The following CTNNA2 variants were observed in gnomAD, a reference collection of about 807,000 sequenced individuals.
The protein encoded by CTNNA2 is catenin alpha-2.
CTNNA2 carries 42 observed loss-of-function variants against 101.0 expected under a neutral mutation model. That is an observed-to-expected ratio of 0.42 (90% confidence interval 0.32 to 0.54). The LOEUF (loss-of-function observed/expected upper bound fraction) is 0.54, where lower values mean the gene tolerates loss of function less well. CTNNA2 is among the 20% of genes least tolerant of loss of function. The pLI is 0.14. For synonymous variants in CTNNA2, 450 were observed against 456.4 expected (o/e 0.99, Z 0.18); for missense variants, 871 against 1,223.1 (o/e 0.71, Z 4.29).
intron 7 of CTNNA2, among the ~76,000 whole-genome samples, chr2:79,998,742 T>C (rs904756992): frequency 1.3e-5 from 2 of 152,182 alleles, no homozygotes; most frequent in Non-Finnish European, 2.9e-5. Flanking sequence ...CCTTTAAAAG[T>C]ATATATTAAA....
chr2:79,808,780 C>G (rs1676775229), intron 3 of CTNNA2, among the ~76,000 whole-genome samples: 1 of 141,296 alleles, frequency 7.1e-6, no homozygotes, highest in Non-Finnish European at 1.5e-5. Context: ...TGGATTTCAT[C>G]TTTGTCATCA....
intron 7 of CTNNA2, among the ~76,000 whole-genome samples, chr2:80,374,648 C>A (rs1351764198): frequency 1.3e-5 from 2 of 151,398 alleles, no homozygotes; most frequent in African/African-American, 4.9e-5. Context: ...TCTCCTTCGG[C>A]CCTCACACTG....
At chr2:80,500,100 GA>G (rs1418464492) in intron 9 of CTNNA2, among the ~76,000 whole-genome samples, 1 of 152,110 alleles carries the variant, frequency 6.6e-6, no homozygotes, top group Non-Finnish European at 1.5e-5. Context: ...TTCCAAAATA[GA>G]AGCGTGTGCT....
intron 2 of CTNNA2, among the ~76,000 whole-genome samples, chr2:79,726,481 T>C (rs984488678): frequency 6.6e-6 from 1 of 152,142 alleles, no homozygotes; most frequent in Non-Finnish European, 1.5e-5. Context: ...GCACGAACCC[T>C]ATTGTGATTT....
At position 79,338,245 on chromosome 2, in the gene CTNNA2, C is replaced by CA. The variant is rs59474388; in HGVS notation, c.-318+25461dup. ...TGGGTGACAGAACCAGACTCCATCT[C>CA]AAAAAAAAAAAATTGGTAGTCAGGC... On this transcript the variant is annotated intron_variant, in intron 3 of 21. Transcript: ENST00000466387. Among the ~76,000 whole-genome samples, 42 of 109,204 alleles carry CA rather than the reference C, an allele frequency of 3.8e-4. 1 individual carries two copies. Among genetic ancestry groups the CA allele is most frequent in the South Asian group, 3.6e-4 (1 of 2,784 alleles). The allele number at this position is 109,204 out of a possible 152,430, so 71.6% of individuals were successfully genotyped here.
chr2:79,966,477 C>T (rs1227550943), intron 7 of CTNNA2, among the ~76,000 whole-genome samples: 2 of 152,164 alleles, frequency 1.3e-5, no homozygotes, highest in African/African-American at 2.4e-5. Flanking sequence ...CTCCATTGAT[C>T]CTCCCGCCTT....
chr2:79,430,251 C>T (rs1678645612), intron 4 of CTNNA2, among the ~76,000 whole-genome samples: 1 of 152,084 alleles, frequency 6.6e-6, no homozygotes, highest in Non-Finnish European at 1.5e-5. Flanking sequence ...GTTCTTGCTT[C>T]AAAGGCCCGA....
chr2:79,574,152 T>A (rs1357296597), intron 1 of CTNNA2: 1 of 152,366 alleles, frequency 6.6e-6, no homozygotes, highest in Non-Finnish European at 1.5e-5. Context: ...AATCCAATGT[T>A]TCCTTTCTGA....
rs116481327 is a variant in CTNNA2 at position 79,640,962 on chromosome 2, G to A, written c.-5-10590G>A. On this transcript the variant is annotated intron_variant, in intron 1 of 18. Transcript: ENST00000402739. ...GTCTTGATTCAGGGATTATGAAGGT[G>A]CAGGTTAAGGATGTCAGTATTTGGA... is the stretch of plus-strand genomic sequence containing the variant. 3.0e-3 allele frequency among the ~76,000 whole-genome samples: 456 copies of A among 152,302 alleles called. 5 individuals are homozygous for A. The highest frequency in any genetic ancestry group is 5.1e-3 in the Non-Finnish European group (346 of 68,020).
intron 2 of CTNNA2, among the ~76,000 whole-genome samples, chr2:79,729,911 G>A (rs1354030919): frequency 6.6e-6 from 1 of 152,082 alleles, no homozygotes. Flanking sequence ...ATCAGAAAAT[G>A]TCAGTGTATG....
Position 80,018,450 on chromosome 2 carries a change from G to A in CTNNA2, c.1056+108653G>A, listed in dbSNP as rs143514917. Among the ~76,000 whole-genome samples, 24 of 152,222 alleles carry A rather than the reference G, an allele frequency of 1.6e-4. No homozygotes were observed. In the East Asian group the frequency reaches 4.6e-3, roughly 29 times the overall value. ...TGACTTGAAACTGGCCATGGCGGGAGTATTTACACAAAGGAAGTCAGTAAA... is the reference window on the plus strand; with the variant it reads ...TGACTTGAAACTGGCCATGGCGGGAATATTTACACAAAGGAAGTCAGTAAA... On this transcript the variant is annotated intron_variant, in intron 7 of 18. Transcript: ENST00000402739.
Position 79,906,803 on chromosome 2 carries a change from G to A in CTNNA2, c.853-2791G>A, listed in dbSNP as rs1045461939. 7.9e-5 allele frequency among the ~76,000 whole-genome samples: 12 copies of A among 152,134 alleles called. No homozygotes were observed. In the East Asian group the frequency reaches 9.6e-4, roughly 12 times the overall value. On this transcript the variant is annotated intron_variant, in intron 6 of 18. Coordinates refer to ENST00000402739, the MANE Select transcript of CTNNA2 (RefSeq NM_001282597.3). ...CCATGCTCGAATAGATTTGGGAAAC[G>A]CTACAGTGAACTGACTCCTTTAGTG...
intron 7 of CTNNA2, among the ~76,000 whole-genome samples, chr2:80,296,074 C>T (rs1043840409): frequency 2.0e-5 from 3 of 151,776 alleles, no homozygotes; most frequent in Non-Finnish European, 4.4e-5. Context: ...ACGATTATTG[C>T]GGGTACATAG....
chr2:80,041,361 T>G (rs1696041934), intron 7 of CTNNA2, among the ~76,000 whole-genome samples: 1 of 152,138 alleles, frequency 6.6e-6, no homozygotes, highest in Non-Finnish European at 1.5e-5. Flanking sequence ...TTTGCTATTC[T>G]TAACGTGTTT....
chr2:79,479,294 C>T (rs1671083647), intron 4 of CTNNA2, among the ~76,000 whole-genome samples: 1 of 152,160 alleles, frequency 6.6e-6, no homozygotes, highest in Non-Finnish European at 1.5e-5. Flanking sequence ...ATTTATAGGA[C>T]ACCAGCACCT....
chr2:79,443,065 A>G (rs76563811), intron 4 of CTNNA2, among the ~76,000 whole-genome samples: 3,248 of 152,282 alleles, frequency 0.021, 57 homozygotes, highest in African/African-American at 0.04. Context: ...TATATGTTCT[A>G]TTGGCTCATC....
At chr2:80,372,848 C>T (rs1256997681) in intron 7 of CTNNA2, among the ~76,000 whole-genome samples, 1 of 152,140 alleles carries the variant, frequency 6.6e-6, no homozygotes, top group Non-Finnish European at 1.5e-5. Flanking sequence ...CCCCAGGATA[C>T]TTAGCAATGT....
chr2:79,919,172 T>A lies in CTNNA2; in HGVS notation c.1056+9375T>A, dbSNP rs960785570. On this transcript the variant is annotated intron_variant, in intron 7 of 18. Transcript: ENST00000402739. ...GTAGCTGAGAGTGTCTGGCCTTTGCTGTTCAGAGCGGTGCTGTTGGTAAAC... is the reference window on the plus strand; with the variant it reads ...GTAGCTGAGAGTGTCTGGCCTTTGCAGTTCAGAGCGGTGCTGTTGGTAAAC... Among the ~76,000 whole-genome samples, 51 of 152,174 alleles carry A rather than the reference T, an allele frequency of 3.4e-4. 1 individual carries two copies. Among genetic ancestry groups the A allele is most frequent in the Non-Finnish European group, 1.6e-4 (11 of 68,022 alleles).
intron 1 of CTNNA2, among the ~76,000 whole-genome samples, chr2:79,639,074 C>T (rs17017386): frequency 0.04 from 6,092 of 152,192 alleles, 391 homozygotes; most frequent in African/African-American, 0.14. Context: ...ATTCAAAATT[C>T]GGAGCTGCCA....
Sources: gnomAD v4.1 joint callset for allele counts (sites outside exome capture counted in the v4.1 genomes callset) on GRCh38, gnomAD v4.1.1 for gene constraint, MANE v1.5 for transcripts, NCBI Gene and HGNC (gene_info 2026-07-23, HGNC 2026-07-21) for gene names.